Variants in ZNF568 observed in about 807,000 individuals in gnomAD.
ZNF568 encodes zinc finger protein 568, also known as p53 inhibitor of SCO2 activation.
A neutral mutation model predicts 18.1 loss-of-function variants in ZNF568; 11 were observed. The observed-to-expected ratio is 0.61, with a 90% CI of 0.38 to 1.00. The LOEUF (loss-of-function observed/expected upper bound fraction) is 1.00. ZNF568 is among the 50% of genes least tolerant of loss of function. ZNF568 has a pLI of 0.01. For missense variants in ZNF568, 639 were observed against 768.2 expected (o/e 0.83, Z 1.99); for synonymous variants, 213 against 246.6 (o/e 0.86, Z 1.28).
intron 4 of ZNF568, among the ~76,000 whole-genome samples, chr19:36,996,107 G>C (rs1038841601): frequency 6.6e-6 from 1 of 152,148 alleles, no homozygotes; most frequent in African/African-American, 2.4e-5. Flanking sequence ...GCTCACACCT[G>C]TAATCCCAAC....
intron 2 of ZNF568, among the ~76,000 whole-genome samples, chr19:36,990,012 C>T (rs2074410249): frequency 6.6e-6 from 1 of 152,106 alleles, no homozygotes; most frequent in African/African-American, 2.4e-5. Flanking sequence ...TCTAATTAGA[C>T]AAGAAAGGAA....
chr19:36,917,414 G>C (rs978261571), intron 1 of ZNF568, among the ~76,000 whole-genome samples, 165 bp from the exon 2 acceptor site: 36 of 152,182 alleles, frequency 2.4e-4, no homozygotes, highest in African/African-American at 8.7e-4. Flanking sequence ...AGGGTGTGAG[G>C]AATTGGACTA....
At position 36,937,168 on chromosome 19, in the gene ZNF568, A is replaced by T. The variant is rs199542834; in HGVS notation, c.284A>T (p.Asp95Val). 2.3e-4 allele frequency: 370 copies of T among 1,613,980 alleles called. No individual in the cohort carries two copies. The highest frequency in any genetic ancestry group is 1.3e-3 in the Middle Eastern group (8 of 6,062). ...ATAGGCTGTCAAGTCACCAAACCGG[A>T]TGTGATATTCAAGTTGGAGCAAGAA... ...VTVGCQVTKP[D>V]VIFKLEQEEE... The change falls in exon 6 of 7, where the codon GAT becomes GTT. Residue 95 changes from aspartate to valine, a missense_variant. Asp to Val is a radical substitution (Grantham distance 152). Transcript: ENST00000333987.
chr19:36,924,299 A>G (rs1395706037), intron 3 of ZNF568, among the ~76,000 whole-genome samples: 8 of 151,386 alleles, frequency 5.3e-5, no homozygotes, highest in Admixed American at 2.0e-4. Context: ...GCTCACTGCA[A>G]CCTGCACTTT....
At chr19:36,948,948 G>C (rs1197502808) in intron 6 of ZNF568, among the ~76,000 whole-genome samples, 2 of 152,066 alleles carry the variant, frequency 1.3e-5, no homozygotes, top group East Asian at 3.9e-4. Context: ...ATTGTCATTT[G>C]CATCTTCATG....
intron 6 of ZNF568, among the ~76,000 whole-genome samples, chr19:36,948,657 G>GTTTTTTTTTTTTTTTTTTT: frequency 2.4e-5 from 1 of 42,546 alleles, no homozygotes; most frequent in African/African-American, 1.4e-4. Flanking sequence ...TTTTGTTGTT[G>GTTTTTTTTTTTTTTTTTTT]ATTTTTTTTT....
chr19:36,958,963 C>T (rs913005301), intron 6 of ZNF568, among the ~76,000 whole-genome samples: 8 of 152,102 alleles, frequency 5.3e-5, no homozygotes, highest in African/African-American at 1.9e-4. Flanking sequence ...ATTATATCAT[C>T]AACAAAAAGG....
chr19:36,972,718 C>T (rs2074245902), intron 6 of ZNF568, among the ~76,000 whole-genome samples: 1 of 152,226 alleles, frequency 6.6e-6, no homozygotes, highest in African/African-American at 2.4e-5. Context: ...CCTGATCCAC[C>T]CCAGAGCGCG....
At chr19:36,997,181 A>G in exon 5 of ZNF568, 1 of 1,600,804 alleles carries the variant, frequency 6.2e-7, no homozygotes, top group Non-Finnish European at 8.5e-7. Flanking sequence ...CTGAGTCTAC[A>G]TCAAAGAATT....
intron 6 of ZNF568, among the ~76,000 whole-genome samples, chr19:36,962,725 T>C (rs551485766): frequency 1.3e-5 from 2 of 152,222 alleles, no homozygotes; most frequent in South Asian, 4.1e-4. Context: ...CTCCTTTGTT[T>C]ATGAAGGATA....
In ZNF568 at chr19:36,951,951, G is replaced by T; in HGVS notation, c.*863G>T. Reference sequence around the variant, plus strand: ...TGGCCAAAAAATTAACATTCTAAAGGATTTAAATACTGGAATTTGAAAAGC... The same window carrying T: ...TGGCCAAAAAATTAACATTCTAAAGTATTTAAATACTGGAATTTGAAAAGC... On this transcript the variant is annotated 3_prime_UTR_variant, in exon 7 of 7. Coordinates refer to ENST00000333987, the MANE Select transcript of ZNF568 (RefSeq NM_198539.4). 1.0e-6 allele frequency: 1 copy of T among 982,600 alleles called. No homozygotes were observed. The highest frequency in any genetic ancestry group is 1.2e-6 in the Non-Finnish European group (1 of 829,364). The allele number at this position is 982,600 out of a possible 1,614,324, so 60.9% of individuals were successfully genotyped here.
rs1345954805 is a variant in ZNF568 at position 36,949,576 on chromosome 19, C to T, written c.423C>T (p.Ser141=). The T allele has an allele frequency of 6.2e-7, 1 of 1,612,262 alleles. No homozygotes were observed. The highest frequency in any genetic ancestry group is 2.2e-5 in the East Asian group (1 of 44,826). ...AAACACTTGTGAGGAAAGTCACATC[C>T]ATCTCCAAGAAAATTCTGATAAAGG... is the stretch of plus-strand genomic sequence containing the variant. ...QQETLVRKVT[S]ISKKILIKEK... is the part of the protein sequence containing the mutation. Residue 141 remains serine (S), a synonymous_variant, in exon 7 of 7, where the codon TCC becomes TCT. Coordinates refer to ENST00000333987, the MANE Select transcript of ZNF568 (RefSeq NM_198539.4).
intron 2 of ZNF568, among the ~76,000 whole-genome samples, chr19:36,918,338 C>T (rs1459223944): frequency 6.6e-6 from 1 of 152,130 alleles, no homozygotes; most frequent in Non-Finnish European, 1.5e-5. Context: ...TCAAGACCCC[C>T]CATGGATACC....
chr19:36,927,860 G>GTATATATA (rs1219440874), intron 4 of ZNF568, among the ~76,000 whole-genome samples: 3 of 32,116 alleles, frequency 9.3e-5, no homozygotes, highest in African/African-American at 5.5e-4. Flanking sequence ...GTGTGTGTGT[G>GTATATATA]TATATATATA....
At position 36,996,845 on chromosome 19, in the gene ZNF568, A is replaced by G. The variant is rs775579686; in HGVS notation, c.758A>G (p.His253Arg). The stretch of plus-strand genomic sequence containing the variant: ...CGTTCCAGCTCACAAATTAGTCAGC[A>G]TCAGAGGATGCATCTTGGTGAGAAA... The change falls in exon 5 of 5, where the codon CAT (histidine) becomes CGT (arginine). Residue 253 changes from histidine (H) to arginine (R), a missense_variant. By Grantham distance (29) the His-to-Arg change is conservative. Coordinates refer to the ZNF568 transcript ENST00000433993. 3.4e-5 allele frequency: 53 copies of G among 1,541,290 alleles called. No individual in the cohort carries two copies. In the South Asian group the frequency reaches 5.9e-4, roughly 17 times the overall value.
At chr19:36,917,209 G>C (rs2073355375) in intron 1 of ZNF568, among the ~76,000 whole-genome samples, 1 of 152,128 alleles carries the variant, frequency 6.6e-6, no homozygotes, top group African/African-American at 2.4e-5. Context: ...TAAGATCTGC[G>C]CCGCATGTGT....
At chr19:36,947,589 A>G (rs928807013) in intron 6 of ZNF568, among the ~76,000 whole-genome samples, 1 of 152,194 alleles carries the variant, frequency 6.6e-6, no homozygotes, top group Non-Finnish European at 1.5e-5. Context: ...AAGCAGATCC[A>G]TAACTCTTGC....
At chr19:36,957,017 GAGCGTCA>G (rs750849804), downstream of ZNF568, among the ~76,000 whole-genome samples, 24 of 151,970 alleles carry the variant, frequency 1.6e-4, no homozygotes, top group Non-Finnish European at 2.9e-4. Flanking sequence ...AACATAATAA[GAGCGTCA>G]TTGTTACACA....
Position 36,950,044 on chromosome 19 carries a change from C to T in ZNF568, c.891C>T (p.His297=), listed in dbSNP as rs1039779608. ...AGATGTCAAACCTTATTAGACACCA[C>T]AGAATTCATACTGGGGAGAAACCTT... ...FIQMSNLIRH[H]RIHTGEKPYA... Residue 297 remains histidine (H), a synonymous_variant, in exon 7 of 7, where the codon CAC becomes CAT. Coordinates refer to ENST00000333987, the MANE Select transcript of ZNF568 (RefSeq NM_198539.4). 3 of 1,613,592 alleles carry T rather than the reference C, an allele frequency of 1.9e-6. No individual in the cohort carries two copies. In the African/African-American group the frequency reaches 4.0e-5, roughly 22 times the overall value.
Sources: allele counts gnomAD v4.1 joint callset (sites outside exome capture counted in the v4.1 genomes callset), GRCh38; gene constraint gnomAD v4.1.1; transcripts MANE v1.5; gene names NCBI Gene and HGNC (gene_info 2026-07-23, HGNC 2026-07-21).